The following PRKAG2 variants were observed in gnomAD, a reference collection of about 807,000 sequenced individuals.
The protein encoded by PRKAG2 is 5'-AMP-activated protein kinase subunit gamma-2.
In PRKAG2, 26 loss-of-function variants were observed where a neutral mutation model predicts 69.6. That is an observed-to-expected ratio of 0.37 (90% CI 0.27 to 0.52). The LOEUF is 0.52. PRKAG2 is among the 20% of genes least tolerant of loss of function. The pLI is 0.90. For synonymous variants in PRKAG2, 293 were observed against 285.0 expected (o/e 1.03, Z -0.28); for missense variants, 557 against 740.0 (o/e 0.75, Z 2.87).
At chr7:151,620,860 A>G (rs892121192) in intron 5 of PRKAG2, among the ~76,000 whole-genome samples, 4 of 152,000 alleles carry the variant, frequency 2.6e-5, no homozygotes, top group Admixed American at 2.6e-4. Context: ...TTGGTCTCGA[A>G]CTCCTGGGCT....
At position 151,807,101 on chromosome 7, in the gene PRKAG2, T is replaced by C. The variant is rs1586622215; in HGVS notation, c.115-20560A>G. 1 of 399,066 alleles carries C rather than the reference T, an allele frequency of 2.5e-6. No homozygotes were observed. Among genetic ancestry groups the C allele is most frequent in the Non-Finnish European group, 4.9e-6 (1 of 202,720 alleles). The allele number at this position is 399,066 out of a possible 1,614,324, so 24.7% of individuals were successfully genotyped here. ...GGGGAAGGGCAGAGGCTGTAAAGGG[T>C]CAGAGGGACCTTGTGGAGTGGTGGA... is the stretch of plus-strand genomic sequence containing the variant. On this transcript the variant is annotated intron_variant, in intron 1 of 15. Coordinates refer to ENST00000287878, the MANE Select transcript of PRKAG2 (RefSeq NM_016203.4). The surrounding 1 kb of genome is among the most constrained non-coding windows in gnomAD (Gnocchi z 4.4).
chr7:151,557,950 A>G, intron 15 of PRKAG2: 2 of 984,338 alleles, frequency 2.0e-6, no homozygotes, highest in Non-Finnish European at 1.2e-6. Flanking sequence ...CCTAACAAGT[A>G]TCTGGCTAGG....
Position 151,781,107 on chromosome 7 carries a change from C to T in PRKAG2, c.466+45G>A, listed in dbSNP as rs576548501. On this transcript the variant is annotated intron_variant, in intron 3 of 15. Transcript: ENST00000287878. The surrounding 1 kb of genome is among the most constrained non-coding windows in gnomAD (Gnocchi z 6.1). The stretch of plus-strand genomic sequence containing the variant: ...GGATGTGTGGCTGCAGAAGAGACCC[C>T]CAGCACCCCAGCACCCACCTGAAAC... 6.8e-5 allele frequency: 110 copies of T among 1,611,270 alleles called. No homozygotes were observed. In the South Asian group the frequency reaches 1.1e-3, roughly 16 times the overall value.
At chr7:151,845,754 C>G (rs62480474) in intron 1 of PRKAG2, among the ~76,000 whole-genome samples, 63,662 of 151,732 alleles carry the variant, frequency 0.42, 13,403 homozygotes, top group Middle Eastern at 0.53. Context: ...CAAAACACTG[C>G]GGGGGCGGGA....
intron 6 of PRKAG2, among the ~76,000 whole-genome samples, chr7:151,591,165 G>A (rs1184795392): frequency 6.6e-6 from 1 of 152,230 alleles, no homozygotes; most frequent in East Asian, 1.9e-4. Context: ...TGCAGCAGCT[G>A]TTCCCAATGT....
chr7:151,727,582 C>T (rs897177913), intron 3 of PRKAG2, among the ~76,000 whole-genome samples: 1 of 152,216 alleles, frequency 6.6e-6, no homozygotes, highest in Admixed American at 6.5e-5. Flanking sequence ...TTTTTCTGTG[C>T]TGCCAACTGG....
At chr7:151,631,565 T>A (rs1025400617) in intron 5 of PRKAG2, 27 of 410,596 alleles carry the variant, frequency 6.6e-5, no homozygotes, top group Middle Eastern at 3.5e-4. Flanking sequence ...TCGCCTGAAC[T>A]CAACACCGAT....
intron 5 of PRKAG2, among the ~76,000 whole-genome samples, chr7:151,630,899 A>G (rs1046832963): frequency 6.6e-6 from 1 of 152,266 alleles, no homozygotes; most frequent in Non-Finnish European, 1.5e-5. Flanking sequence ...ACCATTTGTT[A>G]CCAATAAATA....
intron 9 of PRKAG2, among the ~76,000 whole-genome samples, chr7:151,571,222 C>T (rs548053455): frequency 2.0e-5 from 3 of 151,792 alleles, no homozygotes; most frequent in Admixed American, 2.0e-4. Context: ...CAGGTGCGCA[C>T]CACCACGCCT....
At chr7:151,790,129 A>G (rs2077206094) in intron 1 of PRKAG2, among the ~76,000 whole-genome samples, 1 of 152,030 alleles carries the variant, frequency 6.6e-6, no homozygotes, top group African/African-American at 2.4e-5. Context: ...TCCCATCCCC[A>G]GCCCCCAGCA....
At chr7:151,639,883 A>C (rs1237247893) in intron 4 of PRKAG2, among the ~76,000 whole-genome samples, 1 of 151,764 alleles carries the variant, frequency 6.6e-6, no homozygotes, top group Non-Finnish European at 1.5e-5. Context: ...TCATCCATCT[A>C]TCAGTCAGTC....
intron 5 of PRKAG2, among the ~76,000 whole-genome samples, chr7:151,615,269 ATCC>A (rs1274625592): frequency 6.6e-6 from 1 of 152,144 alleles, no homozygotes; most frequent in Non-Finnish European, 1.5e-5. Context: ...TCTTTATCCA[ATCC>A]ACCACTGATG....
At position 151,632,321 on chromosome 7, in the gene PRKAG2, GGCCGCC is replaced by G. The variant is rs772485064; in HGVS notation, c.685-189_685-184del. The G allele has an allele frequency of 6.3e-6, 5 of 793,942 alleles. No individual in the cohort carries two copies. Among genetic ancestry groups the G allele is most frequent in the Non-Finnish European group, 7.6e-6 (5 of 658,282 alleles). 49.2% of individuals were successfully genotyped at this position (793,942 alleles called of 1,614,324 possible). A position where few individuals can be genotyped will look rare whatever the true frequency, so the allele number is the denominator to read the frequency against. On this transcript the variant is annotated intron_variant, in intron 4 of 15. Transcript: ENST00000287878. This position sits in a 1 kb window ranked among gnomAD's most constrained non-coding sequence, Gnocchi z 4.2. ...GGGAGCGCTGCCCCCACCCGCCCGA[GGCCGCC>G]GCCGCCGCCGCAGGTGGCGCGGCCG...
intron 4 of PRKAG2, among the ~76,000 whole-genome samples, chr7:151,663,666 G>A (rs994096355): frequency 7.2e-5 from 11 of 152,262 alleles, no homozygotes; most frequent in African/African-American, 2.6e-4. Context: ...GGCCCACTTT[G>A]CCAGCTTAGT....
At chr7:151,749,990 G>C (rs756753342) in intron 3 of PRKAG2, among the ~76,000 whole-genome samples, 28 of 151,630 alleles carry the variant, frequency 1.8e-4, no homozygotes, top group Non-Finnish European at 3.7e-4. Flanking sequence ...CCAGCTACTC[G>C]GGAGGCTGAG....
At position 151,567,310 on chromosome 7, in the gene PRKAG2, A is replaced by G. The variant is rs1806488693; in HGVS notation, c.1233+1406T>C. Among the ~76,000 whole-genome samples, 1 of 152,194 alleles carries G rather than the reference A, an allele frequency of 6.6e-6. No homozygotes were observed. The highest frequency in any genetic ancestry group is 1.5e-5 in the Non-Finnish European group (1 of 68,034). ...CCAGCCACGCAACCTTGGCAAAGCT[A>G]CTTAACCTTTCTTAGCTGCATCCCT... On this transcript the variant is annotated intron_variant, in intron 11 of 15. Transcript: ENST00000287878. The surrounding 1 kb of genome is among the most constrained non-coding windows in gnomAD (Gnocchi z 4.2).
At chr7:151,715,865 G>A (rs1307103860) in intron 3 of PRKAG2, among the ~76,000 whole-genome samples, 1 of 152,152 alleles carries the variant, frequency 6.6e-6, no homozygotes, top group Non-Finnish European at 1.5e-5. Context: ...GCCTTGGTGC[G>A]GGACTCCACT....
chr7:151,605,406 AT>A (rs1210712688), intron 5 of PRKAG2, among the ~76,000 whole-genome samples: 1 of 151,968 alleles, frequency 6.6e-6, no homozygotes, highest in Non-Finnish European at 1.5e-5. Flanking sequence ...CAAAAATAAA[AT>A]TTATAATAAA....
Position 151,632,227 on chromosome 7 carries a change from T to G in PRKAG2, c.685-89A>C. On this transcript the variant is annotated intron_variant, in intron 4 of 15. Transcript: ENST00000287878. The surrounding 1 kb of genome is among the most constrained non-coding windows in gnomAD (Gnocchi z 4.2). ...TCGCGGCCGGCCGAGCGCTGGGGCC[T>G]GGCTCTGCCGCGCCGCCGGGAGGAG... The G allele has an allele frequency of 9.1e-7, 1 of 1,104,314 alleles. No homozygotes were observed. The highest frequency in any genetic ancestry group is 4.9e-5 in the East Asian group (1 of 20,246). 68.4% of individuals were successfully genotyped at this position (1,104,314 alleles called of 1,614,324 possible). A position where few individuals can be genotyped will look rare whatever the true frequency, so the allele number is the denominator to read the frequency against.
Sources: allele counts gnomAD v4.1 joint callset (sites outside exome capture counted in the v4.1 genomes callset), GRCh38; gene constraint gnomAD v4.1.1; non-coding constraint Gnocchi (gnomAD v3.1); transcripts MANE v1.5; gene names NCBI Gene and HGNC (gene_info 2026-07-23, HGNC 2026-07-21).